RPTOR: variants seen among roughly 807,000 people sequenced by gnomAD.
The protein encoded by RPTOR is regulatory associated protein of MTOR complex 1, also known as regulatory-associated protein of mTOR.
RPTOR carries 21 observed loss-of-function variants against 169.9 expected under a neutral mutation model. That is an observed-to-expected ratio of 0.12 (90% CI 0.09 to 0.18). RPTOR has a LOEUF of 0.18. Among genes scored for constraint, RPTOR ranks in the 10% least tolerant of loss-of-function variants. RPTOR has a pLI of 1.00. For missense variants in RPTOR, 1,133 were observed against 1,855.9 expected (o/e 0.61, Z 7.16); for synonymous variants, 732 against 753.2 (o/e 0.97, Z 0.46).
At chr17:80,611,837 C>G (rs899738654) in intron 1 of RPTOR, among the ~76,000 whole-genome samples, 1 of 151,868 alleles carries the variant, frequency 6.6e-6, no homozygotes, top group Admixed American at 6.6e-5. Flanking sequence ...GTTTTTCCCC[C>G]CCTGTAAATG....
At chr17:80,719,668 G>T (rs1221569417) in intron 4 of RPTOR, among the ~76,000 whole-genome samples, 1 of 152,156 alleles carries the variant, frequency 6.6e-6, no homozygotes, top group East Asian at 1.9e-4. Flanking sequence ...CCTGAAGGGG[G>T]TTCTTGAATA....
intron 7 of RPTOR, 133 bp from the exon 8 acceptor site, chr17:80,822,068 A>T (rs9911574): frequency 2.9e-5 from 22 of 770,562 alleles, no homozygotes; most frequent in Admixed American, 1.9e-5. Flanking sequence ...GCCGTGCGCC[A>T]AGCTTCTGCT....
At chr17:80,663,332 T>G (rs1161197405) in intron 3 of RPTOR, among the ~76,000 whole-genome samples, 1 of 152,188 alleles carries the variant, frequency 6.6e-6, no homozygotes, top group East Asian at 1.9e-4. Context: ...TGCAGGTCAT[T>G]GGGTGGTTGT....
Position 80,922,797 on chromosome 17 carries a change from CCAA to C in RPTOR, c.2598_2600del (p.Asn866del), listed in dbSNP as rs749849388. The C allele has an allele frequency of 2.9e-5, 46 of 1,585,436 alleles. No homozygotes were observed. Among genetic ancestry groups the C allele is most frequent in the Non-Finnish European group, 3.9e-5 (46 of 1,170,604 alleles). ...ACGCAGTCGGCCCCCGCCAGCCCCA[CCAA>C]CAAGGGCGTGCACATCCACCAGGCG... is the stretch of plus-strand genomic sequence containing the variant. On this transcript the variant is annotated inframe_deletion, in exon 22 of 34. Coordinates refer to ENST00000306801, the MANE Select transcript of RPTOR (RefSeq NM_020761.3).
chr17:80,885,930 C>T (rs975855792), intron 17 of RPTOR, among the ~76,000 whole-genome samples: 3 of 152,240 alleles, frequency 2.0e-5, no homozygotes, highest in African/African-American at 7.2e-5. Context: ...CCCTCAGATT[C>T]CCCACCCACC....
rs2068354147 is a variant in RPTOR at position 80,893,365 on chromosome 17, TGTGTGTGCACAAGG to T, written c.2243-332_2243-319del. Among the ~76,000 whole-genome samples, 3 of 119,362 alleles carry T rather than the reference TGTGTGTGCACAAGG, an allele frequency of 2.5e-5. No homozygotes were observed. In the South Asian group the frequency reaches 8.4e-4, roughly 33 times the overall value. The allele number at this position is 119,362 out of a possible 152,430, so 78.3% of individuals were successfully genotyped here. A position where few individuals can be genotyped will look rare whatever the true frequency, so the allele number is the denominator to read the frequency against. On this transcript the variant is annotated intron_variant, in intron 19 of 33. Transcript: ENST00000306801. ...TGCGCCAGGGTGTGTGTGTGCTGGG[TGTGTGTGCACAAGG>T]GTGTGTGCATGCCAGGGTGTGTGTG...
chr17:80,592,852 C>T (rs1490099991), intron 1 of RPTOR, among the ~76,000 whole-genome samples: 1 of 152,124 alleles, frequency 6.6e-6, no homozygotes, highest in Non-Finnish European at 1.5e-5. Context: ...CTAGGACAGG[C>T]CTGCGTTTCC....
At chr17:80,788,116 A>C (rs1352694592) in intron 6 of RPTOR, among the ~76,000 whole-genome samples, 3 of 152,174 alleles carry the variant, frequency 2.0e-5, no homozygotes, top group African/African-American at 7.2e-5. Context: ...TCATGCTCAC[A>C]CATTTGAATG....
At chr17:80,745,684 T>C (rs910652380) in intron 5 of RPTOR, among the ~76,000 whole-genome samples, 1 of 152,002 alleles carries the variant, frequency 6.6e-6, no homozygotes, top group Non-Finnish European at 1.5e-5. Context: ...TGTAATTAGG[T>C]GTTGTTGAAT....
chr17:80,659,455 C>T lies in RPTOR; in HGVS notation c.348+15645C>T, dbSNP rs1245518975. ...CAAGTGATCCTCCCACCTCAGCCTC[C>T]TGAGTAGCTGGGACTACAGGTATGC... On this transcript the variant is annotated intron_variant, in intron 3 of 33. Transcript: ENST00000306801. This position sits in a 1 kb window ranked among gnomAD's most constrained non-coding sequence, Gnocchi z 4.3. Among the ~76,000 whole-genome samples, 1 of 152,172 alleles carries T rather than the reference C, an allele frequency of 6.6e-6. No homozygotes were observed. The highest frequency in any genetic ancestry group is 1.5e-5 in the Non-Finnish European group (1 of 68,030).
intron 1 of RPTOR, among the ~76,000 whole-genome samples, chr17:80,567,567 A>G (rs954462267): frequency 4.6e-5 from 7 of 151,516 alleles, no homozygotes; most frequent in African/African-American, 1.7e-4. Flanking sequence ...CGAGGCAGGC[A>G]GATCACGAGG....
rs547881680 is a variant in RPTOR at position 80,901,934 on chromosome 17, C to A, written c.2402-6877C>A. ...TGGCTGGTACTTGGCTTCCTTTGAT[C>A]GCTGATGGAGCCCAGGTTCCCCCAG... On this transcript the variant is annotated intron_variant, in intron 20 of 33. Transcript: ENST00000306801. Among the ~76,000 whole-genome samples, 7 of 152,276 alleles carry A rather than the reference C, an allele frequency of 4.6e-5. No homozygotes were observed. In the East Asian group the frequency reaches 1.4e-3, roughly 29 times the overall value.
chr17:80,692,293 T>C (rs935186013), intron 3 of RPTOR, among the ~76,000 whole-genome samples: 3 of 94,276 alleles, frequency 3.2e-5, no homozygotes, highest in Middle Eastern at 5.6e-3. Context: ...TGTTATGTTA[T>C]GTTATGTTAT....
At chr17:80,791,545 ATCTGATGAGTT>A in intron 7 of RPTOR, 36 bp downstream of exon 7, 1 of 1,583,512 alleles carries the variant, frequency 6.3e-7, no homozygotes, top group Non-Finnish European at 8.6e-7. Flanking sequence ...GGCTCTCTGG[ATCTGATGAGTT>A]TCTTTTCCTT....
At chr17:80,717,523 C>A (rs2066249473) in intron 4 of RPTOR, among the ~76,000 whole-genome samples, 1 of 152,140 alleles carries the variant, frequency 6.6e-6, no homozygotes, top group African/African-American at 2.4e-5. Context: ...CATCACGTGG[C>A]ATGCCACCGG....
At chr17:80,905,297 A>G (rs946002962) in intron 20 of RPTOR, among the ~76,000 whole-genome samples, 1 of 152,126 alleles carries the variant, frequency 6.6e-6, no homozygotes. Context: ...TAAAAATTAG[A>G]TGAAAGTGGC....
chr17:80,822,546 G>A (rs2067391189), intron 8 of RPTOR, among the ~76,000 whole-genome samples: 1 of 152,236 alleles, frequency 6.6e-6, no homozygotes, highest in Non-Finnish European at 1.5e-5. Flanking sequence ...GCCCTGACCG[G>A]TGCACAGCCC....
intron 7 of RPTOR, chr17:80,801,800 C>A (rs1254762725): frequency 2.6e-5 from 4 of 152,186 alleles, no homozygotes; most frequent in African/African-American, 9.7e-5. Flanking sequence ...CCCGAGAGAT[C>A]GCCGAGCGAG....
intron 3 of RPTOR, among the ~76,000 whole-genome samples, chr17:80,684,089 A>G (rs2065917631): frequency 6.6e-6 from 1 of 152,144 alleles, no homozygotes; most frequent in African/African-American, 2.4e-5. Context: ...CTGCCTGTGG[A>G]CTGAGGGGTG....
Sources: allele counts gnomAD v4.1 joint callset (sites outside exome capture counted in the v4.1 genomes callset), GRCh38; gene constraint gnomAD v4.1.1; non-coding constraint Gnocchi (gnomAD v3.1); transcripts MANE v1.5; gene names NCBI Gene and HGNC (gene_info 2026-07-23, HGNC 2026-07-21).